The following GRIN2C variants were observed in gnomAD, a reference collection of about 807,000 sequenced individuals.
GRIN2C encodes glutamate ionotropic receptor NMDA type subunit 2C.
Under a neutral mutation model 77.7 loss-of-function variants are expected in GRIN2C, and 64 were observed. The observed-to-expected ratio is 0.82, with a 90% CI of 0.67 to 1.01. The LOEUF is 1.01. Ranked by LOEUF, GRIN2C falls within the 50% of genes least tolerant of loss-of-function variation. The pLI is 0.00. For missense variants in GRIN2C, 1,549 were observed against 1,486.0 expected, an observed-to-expected ratio of 1.04 and a Z score of -0.70; for synonymous variants, 792 against 643.4, an observed-to-expected ratio of 1.23 and a Z score of -3.49.
chr17:74,852,118 A>C lies in GRIN2C; in HGVS notation c.893T>G (p.Leu298Arg). 6.8e-7 allele frequency: 1 copy of C among 1,461,892 alleles called. No individual in the cohort carries two copies. Among genetic ancestry groups the C allele is most frequent in the South Asian group, 1.4e-5 (1 of 72,892 alleles). The allele number at this position is 1,461,892 out of a possible 1,614,324, so 90.6% of individuals were successfully genotyped here. A position where few individuals can be genotyped will look rare whatever the true frequency, so the allele number is the denominator to read the frequency against. The change falls in exon 3 of 13, where the codon CTG becomes CGG. Residue 298 changes from leucine (L) to arginine (R), a missense_variant. By Grantham distance (102) the Leu-to-Arg change is moderately radical. Coordinates refer to ENST00000293190, the MANE Select transcript of GRIN2C (RefSeq NM_000835.6). ...KVRDGVAILA[L>R]GAHSYWRQHG... is the part of the protein sequence containing the mutation. ...CTGGCGCCAGTAGCTGTGGGCGCCC[A>C]GGGCCAGAATGGCCACGCCGTCGCG... is the stretch of plus-strand genomic sequence containing the variant.
In GRIN2C at chr17:74,852,626, G is replaced by A. The variant is rs2037698618; in HGVS notation, c.400-15C>T. On this transcript the variant is annotated splice_polypyrimidine_tract_variant and intron_variant, in intron 2 of 12. Transcript: ENST00000293190. ...GAGCCCGGCTCCTGGGGGCGGGCGGGGCCTGAGCGGGGCGGGAGGGCCGAG... is the reference window on the plus strand; with the variant it reads ...GAGCCCGGCTCCTGGGGGCGGGCGGAGCCTGAGCGGGGCGGGAGGGCCGAG... 5.4e-6 allele frequency: 6 copies of A among 1,103,458 alleles called. No homozygotes were observed. In the South Asian group the frequency reaches 1.0e-4, roughly 19 times the overall value. 68.4% of individuals were successfully genotyped at this position (1,103,458 alleles called of 1,614,324 possible).
Position 74,852,491 on chromosome 17 carries a change from C to T in GRIN2C, c.520G>A (p.Gly174Ser). The T allele has an allele frequency of 1.3e-6, 2 of 1,567,836 alleles. No individual in the cohort carries two copies. Among genetic ancestry groups the T allele is most frequent in the Non-Finnish European group, 1.7e-6 (2 of 1,165,896 alleles). ...AFAVITSLHP[G>S]HALFLEGVRA... Reference sequence around the variant, plus strand: ...ACGCCCTCCAGGAAGAGCGCGTGGCCCGGGTGCAGGCTGGTGATGACGGCG... The same window carrying T: ...ACGCCCTCCAGGAAGAGCGCGTGGCTCGGGTGCAGGCTGGTGATGACGGCG... The change falls in exon 3 of 13, where the codon GGC becomes AGC. Residue 174 changes from glycine (G) to serine (S), a missense_variant. Coordinates refer to ENST00000293190, the MANE Select transcript of GRIN2C (RefSeq NM_000835.6).
chr17:74,851,290 C>T (rs1490208794), intron 4 of GRIN2C: 1 of 404,424 alleles, frequency 2.5e-6, no homozygotes, highest in Admixed American at 4.0e-5. Flanking sequence ...GTCTGGCCAG[C>T]ATGGTCATGG....
chr17:74,857,659 TG>T (rs2037852459), intron 1 of GRIN2C, among the ~76,000 whole-genome samples: 1 of 152,190 alleles, frequency 6.6e-6, no homozygotes, highest in Non-Finnish European at 1.5e-5. Flanking sequence ...AGAGGTTCCT[TG>T]CCCTCTGGGG....
intron 2 of GRIN2C, 155 bp from the exon 3 acceptor site, chr17:74,852,766 C>G (rs1428038182): frequency 2.1e-6 from 1 of 468,690 alleles, no homozygotes. Flanking sequence ...CCTCCCGCCC[C>G]AATGTGGTTC....
chr17:74,846,010 T>C lies in GRIN2C; in HGVS notation c.2350+56A>G. The C allele has an allele frequency of 6.6e-7, 1 of 1,511,402 alleles. No individual in the cohort carries two copies. Among genetic ancestry groups the C allele is most frequent in the South Asian group, 1.1e-5 (1 of 87,964 alleles). The allele number at this position is 1,511,402 out of a possible 1,614,324, so 93.6% of individuals were successfully genotyped here. The stretch of plus-strand genomic sequence containing the variant: ...GGAACTTGAGTGGTGGTGGAAATGC[T>C]GACAACCTTGGGCTCCACAGCCCAC... On this transcript the variant is annotated intron_variant, in intron 11 of 12. Coordinates refer to ENST00000293190, the MANE Select transcript of GRIN2C (RefSeq NM_000835.6). This position sits in a 1 kb window ranked among gnomAD's most constrained non-coding sequence, Gnocchi z 4.4.
rs758001971 is a variant in GRIN2C at position 74,852,556 on chromosome 17, A to C, written c.455T>G (p.Val152Gly). 7 of 1,515,440 alleles carry C rather than the reference A, an allele frequency of 4.6e-6. No individual in the cohort carries two copies. The African/African-American group carries it at 7.2e-5, about 16-fold the overall frequency. The allele number at this position is 1,515,440 out of a possible 1,614,324, so 93.9% of individuals were successfully genotyped here. The change falls in exon 3 of 13, where the codon GTG becomes GGG. Residue 152 changes from valine to glycine, a missense_variant. Val to Gly is a moderately radical substitution (Grantham distance 109). Coordinates refer to ENST00000293190, the MANE Select transcript of GRIN2C (RefSeq NM_000835.6). ...LGVSLEQQLQVLFKVLEEYDW... is the reference protein window; with the variant it reads ...LGVSLEQQLQGLFKVLEEYDW... ...GTACTCTTCCAGCACCTTGAACAGC[A>C]CCTGCAGCTGCTGCTCCAGGGACAC... is the stretch of plus-strand genomic sequence containing the variant.
At position 74,852,620 on chromosome 17, in the gene GRIN2C, GGGCGGGGCCTGAGCGGGGC is replaced by G. The variant is rs1226538099; in HGVS notation, c.400-28_400-10del. The G allele has an allele frequency of 1.7e-6, 2 of 1,153,810 alleles. No homozygotes were observed. Among genetic ancestry groups the G allele is most frequent in the Non-Finnish European group, 2.1e-6 (2 of 935,544 alleles). The allele number at this position is 1,153,810 out of a possible 1,614,324, so 71.5% of individuals were successfully genotyped here. A position where few individuals can be genotyped will look rare whatever the true frequency, so the allele number is the denominator to read the frequency against. ...AAGGCGGAGCCCGGCTCCTGGGGGC[GGGCGGGGCCTGAGCGGGGC>G]GGGAGGGCCGAGCCCCTCCTCCCGC... On this transcript the variant is annotated splice_polypyrimidine_tract_variant and intron_variant, in intron 2 of 12. Coordinates refer to ENST00000293190, the MANE Select transcript of GRIN2C (RefSeq NM_000835.6).
intron 2 of GRIN2C, chr17:74,854,365 C>T (rs951747080): frequency 8.0e-5 from 22 of 275,112 alleles, no homozygotes; most frequent in African/African-American, 4.4e-4. Flanking sequence ...CACCTCCATG[C>T]CCGGCTGGCC....
chr17:74,845,566 A>C (rs1435820740), intron 11 of GRIN2C, among the ~76,000 whole-genome samples: 1 of 152,128 alleles, frequency 6.6e-6, no homozygotes, highest in East Asian at 1.9e-4. Flanking sequence ...CACCACACCC[A>C]GTCTAGACCA....
At chr17:74,860,571 C>T (rs1351726491), upstream of GRIN2C, 1 of 446,730 alleles carries the variant, frequency 2.2e-6, no homozygotes. Flanking sequence ...CTTCCCCTCC[C>T]CGCCGTCGGG....
At position 74,847,432 on chromosome 17, in the gene GRIN2C, TTGC is replaced by T; in HGVS notation, c.1874_1876del (p.Ser625del). ...GAAGGCCCAGACCAGAACCATGATCTTGCTGGTGGTGCCCCGCGGGTTCTCGAT... is the reference window on the plus strand; with the variant it reads ...GAAGGCCCAGACCAGAACCATGATCTTGGTGGTGCCCCGCGGGTTCTCGAT... On this transcript the variant is annotated inframe_deletion, in exon 9 of 13. Coordinates refer to ENST00000293190, the MANE Select transcript of GRIN2C (RefSeq NM_000835.6). This position sits in a 1 kb window ranked among gnomAD's most constrained non-coding sequence, Gnocchi z 5.2. The T allele has an allele frequency of 6.2e-7, 1 of 1,614,008 alleles. No individual in the cohort carries two copies. The highest frequency in any genetic ancestry group is 8.5e-7 in the Non-Finnish European group (1 of 1,179,906).
chr17:74,843,688 C>T, intron 12 of GRIN2C, 135 bp from the exon 13 acceptor site: 1 of 1,196,112 alleles, frequency 8.4e-7, no homozygotes. Flanking sequence ...AAGCATCTCC[C>T]ATGCGCCAGG....
chr17:74,843,073 G>A lies in GRIN2C; in HGVS notation c.3064C>T (p.Leu1022=), dbSNP rs1377502387. Residue 1022 remains leucine (L), a synonymous_variant, in exon 13 of 13, where the codon CTG becomes TTG. Coordinates refer to ENST00000293190, the MANE Select transcript of GRIN2C (RefSeq NM_000835.6). ...CTGTAGTGACAGCGCGCGGGCGACAGGGGCCGCTCGGAGGCCGAGAGGTGC... is the reference window on the plus strand; with the variant it reads ...CTGTAGTGACAGCGCGCGGGCGACAAGGGCCGCTCGGAGGCCGAGAGGTGC... ...GRHLSASERP[L]SPARCHYSSF... is the part of the protein sequence containing the mutation. 4.4e-6 allele frequency: 2 copies of A among 458,816 alleles called. No individual in the cohort carries two copies. Among genetic ancestry groups the A allele is most frequent in the Non-Finnish European group, 7.8e-6 (2 of 256,774 alleles). 28.4% of individuals were successfully genotyped at this position (458,816 alleles called of 1,614,324 possible).
Position 74,854,804 on chromosome 17 carries a change from C to A in GRIN2C, c.289G>T (p.Asp97Tyr). Residue 97 changes from aspartate to tyrosine, a missense_variant, in exon 2 of 13, where the codon GAC (aspartate) becomes TAC (tyrosine). Transcript: ENST00000293190. Reference sequence around the variant, plus strand: ...GCCACCGCCTCGGTGTCCACGTTGTCCTCAAAGACAATGCCGTGGACGTGG... The same window carrying A: ...GCCACCGCCTCGGTGTCCACGTTGTACTCAAAGACAATGCCGTGGACGTGG... ...AAHVHGIVFEDNVDTEAVAQI... is the reference protein window; with the variant it reads ...AAHVHGIVFEYNVDTEAVAQI... 6.2e-7 allele frequency: 1 copy of A among 1,613,854 alleles called. No homozygotes were observed. The highest frequency in any genetic ancestry group is 8.5e-7 in the Non-Finnish European group (1 of 1,179,754).
In GRIN2C at chr17:74,852,252, C is replaced by T; in HGVS notation, c.759G>A (p.Leu253=). ...TGCTGCCCAGCGCCAGGTTGGGCAC[C>T]AGCCACACGTGGCCGGGCCCCACCA... ...AGLVGPGHVW[L]VPNLALGSTD... The change falls in exon 3 of 13, where the codon CTG becomes CTA. Residue 253 remains leucine (L), a synonymous_variant. Transcript: ENST00000293190. The T allele has an allele frequency of 1.4e-6, 2 of 1,399,518 alleles. No individual in the cohort carries two copies. The highest frequency in any genetic ancestry group is 1.8e-6 in the Non-Finnish European group (2 of 1,081,536). 86.7% of individuals were successfully genotyped at this position (1,399,518 alleles called of 1,614,324 possible). A position where few individuals can be genotyped will look rare whatever the true frequency, so the allele number is the denominator to read the frequency against.
In GRIN2C at chr17:74,851,576, C is replaced by A. The variant is rs750179657; in HGVS notation, c.1113+1G>T. On this transcript the variant is annotated splice_donor_variant, in intron 4 of 12. Transcript: ENST00000293190. LOFTEE classifies it high-confidence loss of function. ...GGCCCCTGGGCTCACCCCCTTCTCA[C>A]CATCTCCCAGAGGCGGTGCCGGTTG... 6.5e-7 allele frequency: 1 copy of A among 1,543,364 alleles called. No individual in the cohort carries two copies. The highest frequency in any genetic ancestry group is 1.9e-5 in the Admixed American group (1 of 51,442).
At position 74,849,802 on chromosome 17, in the gene GRIN2C, G is replaced by A. The variant is rs145450475; in HGVS notation, c.1623C>T (p.Thr541=). ...CACCCAAGAAGGCCGAGGGGGAGAC[G>A]GTGCCATTGCTGCGAGCCACCATCA... ...ISVMVARSNG[T]VSPSAFLEPY... is the part of the protein sequence containing the mutation. Residue 541 remains threonine (T), a synonymous_variant, in exon 7 of 13, where the codon ACC becomes ACT. Coordinates refer to ENST00000293190, the MANE Select transcript of GRIN2C (RefSeq NM_000835.6). The surrounding 1 kb of genome is among the most constrained non-coding windows in gnomAD (Gnocchi z 4.6). The A allele has an allele frequency of 5.0e-5, 81 of 1,612,372 alleles. No homozygotes were observed. The highest frequency in any genetic ancestry group is 1.7e-4 in the Middle Eastern group (1 of 6,012).
At chr17:74,852,769 T>A (rs2037705854) in intron 2 of GRIN2C, 158 bp from the exon 3 acceptor site, 1 of 465,004 alleles carries the variant, frequency 2.2e-6, no homozygotes, top group South Asian at 4.3e-5. Flanking sequence ...CCCGCCCCAA[T>A]GTGGTTCCCC....
Sources: allele counts gnomAD v4.1 joint callset (sites outside exome capture counted in the v4.1 genomes callset), GRCh38; gene constraint gnomAD v4.1.1; non-coding constraint Gnocchi (gnomAD v3.1); transcripts MANE v1.5; gene names NCBI Gene and HGNC (gene_info 2026-07-23, HGNC 2026-07-21).